WDR44: variants seen among roughly 807,000 people sequenced by gnomAD.
WDR44 encodes WD repeat-containing protein 44.
WDR44 carries 9 observed loss-of-function variants against 65.7 expected under a neutral mutation model. The observed-to-expected ratio is 0.14, with a 90% CI of 0.08 to 0.24. The LOEUF (loss-of-function observed/expected upper bound fraction) is 0.24, where lower values mean the gene tolerates loss of function less well. Ranked by LOEUF, WDR44 falls within the 10% of genes least tolerant of loss-of-function variation. The probability of loss-of-function intolerance (pLI) is 1.00; values close to 1 mark genes in which losing one functional copy is unlikely to be tolerated. For missense variants in WDR44, 425 were observed against 670.9 expected, an observed-to-expected ratio of 0.63 and a Z score of 4.05; for synonymous variants, 220 against 235.2, an observed-to-expected ratio of 0.94 and a Z score of 0.59.
chrX:118,378,736 T>TGTGTGTGTGTGTGTG (rs1569362857), intron 2 of WDR44, among the ~76,000 whole-genome samples: 64 of 61,038 alleles, frequency 1.0e-3, no homozygotes, highest in African/African-American at 9.0e-3. Flanking sequence ...GTGTGTGTGT[T>TGTGTGTGTGTGTGTG]GAAAAAGTGA....
chrX:118,424,984 A>G (rs1450667659), intron 12 of WDR44, among the ~76,000 whole-genome samples: 1 of 111,818 alleles, frequency 8.9e-6, no homozygotes, highest in Non-Finnish European at 1.9e-5. Flanking sequence ...CAGGGAGTAA[A>G]TAAGGTGGGT....
In WDR44 at chrX:118,449,268, GATATTA is replaced by G. The variant is rs2057372520; in HGVS notation, c.*286_*291del. 1.3e-5 allele frequency: 2 copies of G among 158,070 alleles called. No individual in the cohort carries two copies. The highest frequency in any genetic ancestry group is 3.1e-5 in the African/African-American group (1 of 32,674). 13.0% of individuals were successfully genotyped at this position (158,070 alleles called of 1,213,427 possible). On this transcript the variant is annotated 3_prime_UTR_variant, in exon 20 of 20. Transcript: ENST00000254029. ...ACATGCACAAGTTTCTGCATGAAAAGATATTAATATATTAATCACATGTATGTGCCT... is the reference window on the plus strand; with the variant it reads ...ACATGCACAAGTTTCTGCATGAAAAGATATATTAATCACATGTATGTGCCT...
chrX:118,423,080 G>A (rs1221133539), intron 12 of WDR44, among the ~76,000 whole-genome samples: 3 of 111,705 alleles, frequency 2.7e-5, no homozygotes, highest in Non-Finnish European at 5.7e-5. Context: ...GAACAAAAGA[G>A]ACAAAAATAT....
intron 12 of WDR44, among the ~76,000 whole-genome samples, chrX:118,423,449 G>A (rs1279990770): frequency 1.8e-5 from 2 of 112,037 alleles, no homozygotes; most frequent in African/African-American, 3.2e-5. Flanking sequence ...GATTACAAGC[G>A]TGAGCCACTG....
intron 7 of WDR44, among the ~76,000 whole-genome samples, chrX:118,397,453 A>G: frequency 9.0e-6 from 1 of 111,067 alleles, no homozygotes; most frequent in Non-Finnish European, 1.9e-5. Flanking sequence ...TGAATTCAGG[A>G]GTTAGAGAGG....
intron 1 of WDR44, among the ~76,000 whole-genome samples, chrX:118,354,504 C>T (rs1407024894): frequency 9.0e-6 from 1 of 110,739 alleles, no homozygotes; most frequent in Non-Finnish European, 1.9e-5. Flanking sequence ...ACTGGTTTCA[C>T]TTTCTCCACA....
intron 12 of WDR44, among the ~76,000 whole-genome samples, chrX:118,431,103 A>T (rs1437116381): frequency 1.8e-5 from 2 of 111,192 alleles, no homozygotes; most frequent in Non-Finnish European, 3.8e-5. Context: ...AGCCCTCATT[A>T]TTCTTACTTA....
intron 6 of WDR44, among the ~76,000 whole-genome samples, chrX:118,396,039 A>G (rs2056862809): frequency 1.3e-5 from 1 of 75,305 alleles, no homozygotes; most frequent in Non-Finnish European, 2.1e-5. Flanking sequence ...AAAATTTAAA[A>G]TAATATAATA....
intron 2 of WDR44, among the ~76,000 whole-genome samples, chrX:118,381,919 C>A (rs1254843566): frequency 3.6e-5 from 4 of 111,378 alleles, no homozygotes; most frequent in Non-Finnish European, 7.5e-5. Context: ...GGCAAGAATG[C>A]AATGGCACAA....
intron 1 of WDR44, among the ~76,000 whole-genome samples, 177 bp downstream of exon 1, chrX:118,346,757 A>AG (rs2056354867): frequency 9.0e-6 from 1 of 110,703 alleles, no homozygotes; most frequent in Admixed American, 9.6e-5. Context: ...GACTCGGAGA[A>AG]GGGGGAGTCA....
chrX:118,410,057 A>G (rs1298688206), intron 11 of WDR44, among the ~76,000 whole-genome samples: 2 of 112,608 alleles, frequency 1.8e-5, no homozygotes, highest in Non-Finnish European at 3.7e-5. Context: ...TGTTGAAAAG[A>G]GAAGCCTCAG....
chrX:118,375,765 T>G (rs760970447), intron 1 of WDR44, among the ~76,000 whole-genome samples: 2 of 111,925 alleles, frequency 1.8e-5, no homozygotes, highest in South Asian at 7.3e-4. Flanking sequence ...TTGTCCTTTG[T>G]TAACACATAT....
chrX:118,393,985 T>C, intron 4 of WDR44, 70 bp from the exon 5 acceptor site: 1 of 1,011,700 alleles, frequency 9.9e-7, no homozygotes, highest in Non-Finnish European at 1.4e-6. Context: ...CAAGCCACTT[T>C]CCTCACAGGG....
intron 12 of WDR44, among the ~76,000 whole-genome samples, chrX:118,414,051 T>G (rs2057033781): frequency 9.0e-6 from 1 of 111,280 alleles, no homozygotes; most frequent in Non-Finnish European, 1.9e-5. Context: ...TGTGCCTATG[T>G]TTATACCAGT....
In WDR44 at chrX:118,398,489, C is replaced by G. The variant is rs1463714336; in HGVS notation, c.1274+19C>G. The G allele has an allele frequency of 8.8e-7, 1 of 1,137,808 alleles. No homozygotes were observed. Among genetic ancestry groups the G allele is most frequent in the Non-Finnish European group, 1.2e-6 (1 of 837,663 alleles). 93.8% of individuals were successfully genotyped at this position (1,137,808 alleles called of 1,213,427 possible). A position where few individuals can be genotyped will look rare whatever the true frequency, so the allele number is the denominator to read the frequency against. Reference sequence around the variant, plus strand: ...AGAAAACGTGAGTTACAGTACATCCCTTTTCTTCATTTCAAGTTTTTATTT... The same window carrying G: ...AGAAAACGTGAGTTACAGTACATCCGTTTTCTTCATTTCAAGTTTTTATTT... On this transcript the variant is annotated intron_variant, in intron 8 of 19. Transcript: ENST00000254029.
At chrX:118,412,535 C>A (rs2057020958) in intron 12 of WDR44, among the ~76,000 whole-genome samples, 1 of 110,547 alleles carries the variant, frequency 9.0e-6, no homozygotes, top group Admixed American at 9.8e-5. Flanking sequence ...GATTATGATA[C>A]CAGTAGAGCT....
At chrX:118,360,749 TCTTA>T (rs2056504498) in intron 1 of WDR44, among the ~76,000 whole-genome samples, 1 of 112,285 alleles carries the variant, frequency 8.9e-6, no homozygotes, top group African/African-American at 3.2e-5. Context: ...CTTAAGCTCA[TCTTA>T]CTTTTATATT....
intron 12 of WDR44, among the ~76,000 whole-genome samples, chrX:118,427,976 A>AT (rs1318357248): frequency 6.5e-4 from 71 of 108,902 alleles, no homozygotes; most frequent in African/African-American, 2.3e-3. Flanking sequence ...TGCCTGGCCT[A>AT]TTTTTTTAAT....
At chrX:118,390,424 TG>T (rs1206873995) in intron 3 of WDR44, among the ~76,000 whole-genome samples, 1 of 111,612 alleles carries the variant, frequency 9.0e-6, no homozygotes, top group African/African-American at 3.3e-5. Flanking sequence ...ACTAATTATC[TG>T]GTGTAGAGAA....
Sources: allele counts gnomAD v4.1 joint callset (sites outside exome capture counted in the v4.1 genomes callset), GRCh38; gene constraint gnomAD v4.1.1; transcripts MANE v1.5; gene names NCBI Gene and HGNC (gene_info 2026-07-23, HGNC 2026-07-21).